The following TRPC6 variants were observed in gnomAD, a reference collection of about 807,000 sequenced individuals.
TRPC6 encodes transient receptor potential cation channel subfamily C member 6, also known as short transient receptor potential channel 6.
Under a neutral mutation model 90.7 loss-of-function variants are expected in TRPC6, and 55 were observed. The observed-to-expected ratio is 0.61, with a 90% CI of 0.49 to 0.76. The LOEUF is 0.76. TRPC6 is among the 30% of genes least tolerant of loss of function. The pLI, the probability that TRPC6 is intolerant of heterozygous loss-of-function variation, is 0.00. For synonymous variants in TRPC6, 393 were observed against 393.0 expected (o/e 1.00, Z 0.00); for missense variants, 989 against 1,122.7 (o/e 0.88, Z 1.70).
At chr11:101,562,344 G>A (rs1033677291) in intron 1 of TRPC6, among the ~76,000 whole-genome samples, 4 of 152,248 alleles carry the variant, frequency 2.6e-5, no homozygotes, top group African/African-American at 9.6e-5. Flanking sequence ...ATATAATTTA[G>A]TTAACTATTT....
intron 1 of TRPC6, among the ~76,000 whole-genome samples, chr11:101,550,507 A>G (rs1480130333): frequency 6.6e-6 from 1 of 151,634 alleles, no homozygotes; most frequent in Non-Finnish European, 1.5e-5. Context: ...TTCAACTGAT[A>G]ATAATAATTT....
At position 101,563,757 on chromosome 11, in the gene TRPC6, G is replaced by C. The variant is rs117426316; in HGVS notation, c.170+19577C>G. Reference sequence around the variant, plus strand: ...GGGTTTGTTTAAAACTGAGTACGCAGAGCATGAAGGAGGAAGTGAACACAC... The same window carrying C: ...GGGTTTGTTTAAAACTGAGTACGCACAGCATGAAGGAGGAAGTGAACACAC... On this transcript the variant is annotated intron_variant, in intron 1 of 12. Transcript: ENST00000344327. Among the ~76,000 whole-genome samples the C allele has an allele frequency of 9.5e-3, 1,452 of 152,252 alleles. 11 individuals carry two copies. The highest frequency in any genetic ancestry group is 0.02 in the Middle Eastern group (6 of 294).
At chr11:101,478,474 C>CTTCGCCTCCTCTTG (rs1554998623) in intron 5 of TRPC6, among the ~76,000 whole-genome samples, 10 of 151,890 alleles carry the variant, frequency 6.6e-5, no homozygotes, top group Non-Finnish European at 2.9e-5. Context: ...GTTTTCAAAG[C>CTTCGCCTCCTCTTG]TTCCTCCCAC....
intron 11 of TRPC6, 97 bp from the exon 12 acceptor site, chr11:101,453,822 C>T (rs923545210): frequency 8.5e-7 from 1 of 1,170,314 alleles, no homozygotes; most frequent in Non-Finnish European, 1.3e-6. Flanking sequence ...CTGTAGTGAG[C>T]CCTTTGGAAG....
chr11:101,557,444 T>G (rs1861585682), intron 1 of TRPC6, among the ~76,000 whole-genome samples: 1 of 152,112 alleles, frequency 6.6e-6, no homozygotes, highest in Non-Finnish European at 1.5e-5. Context: ...CTCTAATATC[T>G]GGAACAAGAT....
intron 2 of TRPC6, among the ~76,000 whole-genome samples, chr11:101,501,066 T>C (rs926743851): frequency 4.6e-5 from 7 of 151,236 alleles, no homozygotes; most frequent in African/African-American, 1.7e-4. Flanking sequence ...ATCTTTCAGA[T>C]GGAAAGGGAG....
At chr11:101,473,837 T>C in intron 6 of TRPC6, 64 bp from the exon 7 acceptor site, 1 of 1,604,676 alleles carries the variant, frequency 6.2e-7, no homozygotes, top group Non-Finnish European at 8.5e-7. Context: ...AGGTAACTTC[T>C]TTTTCTGCGA....
chr11:101,504,008 A>G lies in TRPC6; in HGVS notation c.945+16T>C, dbSNP rs753668627. ...CTGGCTTGTGGAGGGTGAAGTCTCTATTGTTAGTGACCTACCTTGAACTCT... is the reference window on the plus strand; with the variant it reads ...CTGGCTTGTGGAGGGTGAAGTCTCTGTTGTTAGTGACCTACCTTGAACTCT... On this transcript the variant is annotated intron_variant, in intron 2 of 12. Transcript: ENST00000344327. 1.2e-6 allele frequency: 2 copies of G among 1,613,972 alleles called. No homozygotes were observed. Among genetic ancestry groups the G allele is most frequent in the South Asian group, 1.1e-5 (1 of 91,048 alleles).
intron 1 of TRPC6, among the ~76,000 whole-genome samples, chr11:101,552,212 C>T (rs1356392995): frequency 2.0e-5 from 3 of 152,016 alleles, no homozygotes; most frequent in Non-Finnish European, 4.4e-5. Context: ...TTAAGTGAAG[C>T]CAGGGCCATT....
chr11:101,577,236 T>C (rs1418765026), intron 1 of TRPC6, among the ~76,000 whole-genome samples: 2 of 152,110 alleles, frequency 1.3e-5, no homozygotes, highest in Non-Finnish European at 2.9e-5. Flanking sequence ...TCTTTCTGCG[T>C]TCTAGACCAC....
chr11:101,492,800 G>C (rs1859859620), intron 2 of TRPC6, among the ~76,000 whole-genome samples: 1 of 152,214 alleles, frequency 6.6e-6, no homozygotes, highest in Non-Finnish European at 1.5e-5. Context: ...AAAGTTTCCA[G>C]AGAAGAGCAA....
intron 1 of TRPC6, among the ~76,000 whole-genome samples, chr11:101,569,126 C>T (rs981524376): frequency 7.4e-5 from 11 of 149,548 alleles, no homozygotes; most frequent in African/African-American, 2.5e-4. Context: ...ATCTCACATG[C>T]AAAGACACAC....
chr11:101,559,582 T>C (rs998433612), intron 1 of TRPC6, among the ~76,000 whole-genome samples: 2 of 152,154 alleles, frequency 1.3e-5, no homozygotes, highest in African/African-American at 4.8e-5. Context: ...TTTCAGTGAT[T>C]TTTCAAAATT....
At chr11:101,488,221 C>T (rs1218398373) in intron 4 of TRPC6, among the ~76,000 whole-genome samples, 1 of 152,152 alleles carries the variant, frequency 6.6e-6, no homozygotes, top group Non-Finnish European at 1.5e-5. Flanking sequence ...ACACAAATTT[C>T]TCTACTTGTT....
At chr11:101,521,316 T>C (rs1008058874) in intron 1 of TRPC6, among the ~76,000 whole-genome samples, 5 of 152,162 alleles carry the variant, frequency 3.3e-5, no homozygotes, top group Admixed American at 1.3e-4. Flanking sequence ...AGATATGTCT[T>C]AGGATGCTGC....
At chr11:101,481,269 T>C (rs960359437) in intron 5 of TRPC6, among the ~76,000 whole-genome samples, 18 of 152,140 alleles carry the variant, frequency 1.2e-4, no homozygotes, top group Admixed American at 6.6e-4. Context: ...GAGAAGCCTG[T>C]GGATTATTAA....
chr11:101,559,697 A>G (rs886344920), intron 1 of TRPC6, among the ~76,000 whole-genome samples: 3 of 151,098 alleles, frequency 2.0e-5, no homozygotes, highest in African/African-American at 7.3e-5. Flanking sequence ...GGTTTGTTAC[A>G]TATGTATACG....
At chr11:101,461,508 G>C (rs1473157253) in intron 10 of TRPC6, among the ~76,000 whole-genome samples, 1 of 152,192 alleles carries the variant, frequency 6.6e-6, no homozygotes, top group Non-Finnish European at 1.5e-5. Context: ...GGAGGTCCAG[G>C]CTGCAGCAAG....
intron 1 of TRPC6, among the ~76,000 whole-genome samples, chr11:101,538,170 G>T (rs1210290863): frequency 6.6e-6 from 1 of 151,662 alleles, no homozygotes; most frequent in Non-Finnish European, 1.5e-5. Context: ...GTGGATTTTT[G>T]TTCTTTATTT....
Sources: allele counts gnomAD v4.1 joint callset (sites outside exome capture counted in the v4.1 genomes callset), GRCh38; gene constraint gnomAD v4.1.1; transcripts MANE v1.5; gene names NCBI Gene and HGNC (gene_info 2026-07-23, HGNC 2026-07-21).